Variants in ARMC6 observed in about 807,000 individuals in gnomAD.
ARMC6 encodes armadillo repeat containing 6.
Under a neutral mutation model 49.2 loss-of-function variants are expected in ARMC6, and 43 were observed. The ratio of observed to expected loss-of-function variants is 0.87; its 90% CI spans 0.69 to 1.13. ARMC6 has a LOEUF of 1.13. ARMC6 is among the 50% of genes most tolerant of loss of function. ARMC6 has a pLI of 0.00. For synonymous variants in ARMC6, 262 were observed against 289.6 expected (o/e 0.90, Z 0.97); for missense variants, 627 against 682.0 (o/e 0.92, Z 0.90).
intron 2 of ARMC6, among the ~76,000 whole-genome samples, chr19:19,042,417 T>A (rs1196003173): frequency 6.6e-6 from 1 of 152,068 alleles, no homozygotes; most frequent in African/African-American, 2.4e-5. Flanking sequence ...AGTGTGATCA[T>A]GGCTCACTGC....
intron 5 of ARMC6, 128 bp downstream of exon 5, chr19:19,052,323 G>C: frequency 3.5e-6 from 3 of 864,004 alleles, no homozygotes; most frequent in Non-Finnish European, 5.2e-6. Context: ...CCTCGGCTTA[G>C]ACCTGCCTGC....
chr19:19,045,490 A>ATTTTTTTTTTTTTT (rs1355279150), intron 4 of ARMC6, among the ~76,000 whole-genome samples: 8 of 28,218 alleles, frequency 2.8e-4, no homozygotes, highest in African/African-American at 4.2e-4. Context: ...ATTATGCTAA[A>ATTTTTTTTTTTTTT]TTCTTTTTTT....
At chr19:19,045,824 TG>T (rs1032132539) in intron 4 of ARMC6, among the ~76,000 whole-genome samples, 44 of 152,168 alleles carry the variant, frequency 2.9e-4, no homozygotes, top group African/African-American at 1.0e-3. Flanking sequence ...GCTAATTTTT[TG>T]TATTTTTAGT....
chr19:19,047,563 G>A (rs2059461339), intron 4 of ARMC6, among the ~76,000 whole-genome samples: 1 of 152,198 alleles, frequency 6.6e-6, no homozygotes, highest in African/African-American at 2.4e-5. Flanking sequence ...AATGACTCCA[G>A]GAGTCAATGG....
At position 19,055,308 on chromosome 19, in the gene ARMC6, G is replaced by A. The variant is rs760509895; in HGVS notation, c.1067G>A (p.Gly356Asp). 2 of 1,612,900 alleles carry A rather than the reference G, an allele frequency of 1.2e-6. No individual in the cohort carries two copies. The highest frequency in any genetic ancestry group is 1.7e-4 in the Middle Eastern group (1 of 6,048). The change falls in exon 7 of 9, where the codon GGC becomes GAC. Residue 356 changes from glycine to aspartate, a missense_variant. Coordinates refer to ENST00000535612, the MANE Select transcript of ARMC6 (RefSeq NM_001199196.2). The surrounding 1 kb of genome is among the most constrained non-coding windows in gnomAD (Gnocchi z 5.7). ...CTGAGCACCCTGCGAGCCATCGCAG[G>A]CAACGACGACGTGAAAGATGCTATT... ...QVLSTLRAIA[G>D]NDDVKDAIVR... is the part of the protein sequence containing the mutation.
At chr19:19,039,521 C>T (rs1284104067) in intron 2 of ARMC6, 2 of 256,038 alleles carry the variant, frequency 7.8e-6, no homozygotes, top group Non-Finnish European at 1.6e-5. Context: ...AGAAGGAAAC[C>T]CTATACCCAT....
rs1294603581 is a variant in ARMC6, at chr19:19,057,730, A to C, written c.*102A>C. ...GTCCCCCATTAGTTCTGTCCCCTTCACAATGAGAAGTGTTTTCTGGCAGGC... is the reference window on the plus strand; with the variant it reads ...GTCCCCCATTAGTTCTGTCCCCTTCCCAATGAGAAGTGTTTTCTGGCAGGC... On this transcript the variant is annotated 3_prime_UTR_variant, in exon 9 of 9. Coordinates refer to ENST00000535612, the MANE Select transcript of ARMC6 (RefSeq NM_001199196.2). The C allele has an allele frequency of 8.7e-7, 1 of 1,153,266 alleles. No homozygotes were observed. The highest frequency in any genetic ancestry group is 1.5e-5 in the African/African-American group (1 of 64,722). 71.4% of individuals were successfully genotyped at this position (1,153,266 alleles called of 1,614,324 possible).
intron 3 of ARMC6, 74 bp from the exon 4 acceptor site, chr19:19,043,918 C>T (rs895699986): frequency 4.7e-5 from 67 of 1,423,988 alleles, no homozygotes; most frequent in Non-Finnish European, 2.6e-5. Context: ...GGTGTGATTC[C>T]AGCAGGCCCA....
At chr19:19,042,590 A>C in intron 2 of ARMC6, 121 bp from the exon 3 acceptor site, 1 of 940,386 alleles carries the variant, frequency 1.1e-6, no homozygotes, top group Non-Finnish European at 1.6e-6. Flanking sequence ...GAATTTCTCC[A>C]GGGTGGTTGT....
chr19:19,047,818 A>G (rs1599642213), intron 4 of ARMC6, among the ~76,000 whole-genome samples: 2 of 152,188 alleles, frequency 1.3e-5, no homozygotes, highest in East Asian at 3.8e-4. Context: ...CGTTTTAGGG[A>G]GACATGAGAT....
Position 19,043,980 on chromosome 19 carries a change from C to T in ARMC6, c.197-12C>T. On this transcript the variant is annotated splice_polypyrimidine_tract_variant and intron_variant, in intron 3 of 8. Coordinates refer to ENST00000535612, the MANE Select transcript of ARMC6 (RefSeq NM_001199196.2). Reference sequence around the variant, plus strand: ...CTGACCCCTGTGTGCTTGCTTCCCCCACCCCCAACAGGGGTTGATCTGAGC... The same window carrying T: ...CTGACCCCTGTGTGCTTGCTTCCCCTACCCCCAACAGGGGTTGATCTGAGC... 1 of 1,613,410 alleles carries T rather than the reference C, an allele frequency of 6.2e-7. No homozygotes were observed. The highest frequency in any genetic ancestry group is 1.1e-5 in the South Asian group (1 of 91,058).
chr19:19,043,150 C>G (rs1353701625), intron 3 of ARMC6, among the ~76,000 whole-genome samples: 1 of 152,230 alleles, frequency 6.6e-6, no homozygotes, highest in African/African-American at 2.4e-5. Flanking sequence ...CTGACCCTGG[C>G]CTGGGAAACA....
At position 19,042,805 on chromosome 19, in the gene ARMC6, G is replaced by A. The variant is rs775742944; in HGVS notation, c.124G>A (p.Glu42Lys). 2.3e-5 allele frequency: 37 copies of A among 1,613,906 alleles called. No individual in the cohort carries two copies. Among genetic ancestry groups the A allele is most frequent in the Middle Eastern group, 3.3e-4 (2 of 6,084 alleles). ...GGAGACCTTTGATGCAGCTGTGCGC[G>A]AGAACATCGAGGAGTTTGCGATGGG... Reference protein sequence around the residue: ...AQETFDAAVRENIEEFAMGPE... With the variant: ...AQETFDAAVRKNIEEFAMGPE... Residue 42 changes from glutamate to lysine, a missense_variant, in exon 3 of 9, where the codon GAG becomes AAG. Transcript: ENST00000535612.
At chr19:19,035,167 G>C (rs1021721168) in intron 2 of ARMC6, among the ~76,000 whole-genome samples, 1 of 152,032 alleles carries the variant, frequency 6.6e-6, no homozygotes, top group South Asian at 2.1e-4. Context: ...CCCGGCCCTG[G>C]CTAATTTTTT....
chr19:19,057,372 C>T lies in ARMC6; in HGVS notation c.1294-44C>T, dbSNP rs189226973. 9.6e-6 allele frequency: 15 copies of T among 1,568,216 alleles called. No homozygotes were observed. In the East Asian group the frequency reaches 3.4e-4, roughly 35 times the overall value. On this transcript the variant is annotated intron_variant, in intron 8 of 8. Coordinates refer to ENST00000535612, the MANE Select transcript of ARMC6 (RefSeq NM_001199196.2). ...GACCCTGAGGTCAGAGTGGACCCCACCCCAAAGCCCCATCTGGCAGCTCAC... is the reference window on the plus strand; with the variant it reads ...GACCCTGAGGTCAGAGTGGACCCCATCCCAAAGCCCCATCTGGCAGCTCAC...
chr19:19,057,402 GCT>G lies in ARMC6; in HGVS notation c.1294-8_1294-7del. ...AAGCCCCATCTGGCAGCTCACAGCT[GCT>G]CTCTCCTACAGAAACAGGCTTGCAT... is the stretch of plus-strand genomic sequence containing the variant. On this transcript the variant is annotated splice_polypyrimidine_tract_variant and intron_variant, in intron 8 of 8. Transcript: ENST00000535612. 1 of 1,609,256 alleles carries G rather than the reference GCT, an allele frequency of 6.2e-7. No homozygotes were observed. The highest frequency in any genetic ancestry group is 8.5e-7 in the Non-Finnish European group (1 of 1,177,768).
At position 19,042,998 on chromosome 19, in the gene ARMC6, G is replaced by T. The variant is rs2059422449; in HGVS notation, c.196+121G>T. On this transcript the variant is annotated intron_variant, in intron 3 of 8. Coordinates refer to ENST00000535612, the MANE Select transcript of ARMC6 (RefSeq NM_001199196.2). ...CCTGGCATAGAAACCAGGTGCCATTGGGCCCTGTCCCCTCCAGCTTCTGCC... is the reference window on the plus strand; with the variant it reads ...CCTGGCATAGAAACCAGGTGCCATTTGGCCCTGTCCCCTCCAGCTTCTGCC... The T allele has an allele frequency of 3.2e-6, 4 of 1,265,326 alleles. No homozygotes were observed. In the East Asian group the frequency reaches 9.5e-5, roughly 30 times the overall value. The allele number at this position is 1,265,326 out of a possible 1,614,324, so 78.4% of individuals were successfully genotyped here.
At chr19:19,034,828 T>G (rs1383527132) in intron 2 of ARMC6, among the ~76,000 whole-genome samples, 1 of 150,228 alleles carries the variant, frequency 6.7e-6, no homozygotes, top group East Asian at 1.9e-4. Flanking sequence ...GCCTCCTGAG[T>G]AGCTGGGATT....
At chr19:19,034,646 T>G (rs2059329235) in intron 2 of ARMC6, among the ~76,000 whole-genome samples, 1 of 152,140 alleles carries the variant, frequency 6.6e-6, no homozygotes, top group Non-Finnish European at 1.5e-5. Flanking sequence ...TAGAGTGTAG[T>G]GGCATGATCT....
Sources: gnomAD v4.1 joint callset for allele counts (sites outside exome capture counted in the v4.1 genomes callset) on GRCh38, gnomAD v4.1.1 for gene constraint, Gnocchi (gnomAD v3.1) non-coding constraint, MANE v1.5 for transcripts, NCBI Gene and HGNC (gene_info 2026-07-23, HGNC 2026-07-21) for gene names.